Variants in LYPD6B observed in about 807,000 individuals in gnomAD.
LYPD6B encodes ly6/PLAUR domain-containing protein 6B.
LYPD6B carries 17 observed loss-of-function variants against 22.8 expected under a neutral mutation model. The observed-to-expected ratio is 0.75, with a 90% CI of 0.51 to 1.12. The LOEUF (loss-of-function observed/expected upper bound fraction) is 1.12, where lower values mean the gene tolerates loss of function less well. Among genes scored for constraint, LYPD6B ranks in the 50% most tolerant of loss-of-function variants. The pLI, the probability that LYPD6B is intolerant of heterozygous loss-of-function variation, is 0.00. For synonymous variants in LYPD6B, 106 were observed against 91.6 expected (o/e 1.16, Z -0.90); for missense variants, 221 against 258.3 (o/e 0.86, Z 0.99).
chr2:149,183,166 TCTACTGTAC>T (rs1223211300), intron 3 of LYPD6B, among the ~76,000 whole-genome samples: 1 of 152,224 alleles, frequency 6.6e-6, no homozygotes, highest in Non-Finnish European at 1.5e-5. Context: ...GCTTGATGTA[TCTACTGTAC>T]CTTATGCTTC....
At chr2:149,087,769 T>C (rs1685466203) in intron 1 of LYPD6B, among the ~76,000 whole-genome samples, 1 of 152,180 alleles carries the variant, frequency 6.6e-6, no homozygotes, top group South Asian at 2.1e-4. Context: ...TCAAATGCAA[T>C]GCTCTAAAAT....
chr2:149,212,152 C>T (rs981825486), intron 5 of LYPD6B, among the ~76,000 whole-genome samples: 10 of 150,874 alleles, frequency 6.6e-5, no homozygotes, highest in Admixed American at 2.0e-4. Context: ...CCGAGGCGGG[C>T]GGATCATGAG....
intron 2 of LYPD6B, among the ~76,000 whole-genome samples, chr2:149,159,377 G>A (rs1308813817): frequency 6.6e-6 from 1 of 152,124 alleles, no homozygotes; most frequent in Admixed American, 6.5e-5. Context: ...AGCATGCTCA[G>A]AGCCTAATTT....
At chr2:149,179,556 AACAGT>A (rs1377241008) in intron 3 of LYPD6B, among the ~76,000 whole-genome samples, 1 of 152,224 alleles carries the variant, frequency 6.6e-6, no homozygotes, top group Non-Finnish European at 1.5e-5. Flanking sequence ...TGTTTCTGTT[AACAGT>A]GTTGGTGAGT....
At chr2:149,045,115 T>C (rs1683251765) in intron 1 of LYPD6B, among the ~76,000 whole-genome samples, 1 of 152,070 alleles carries the variant, frequency 6.6e-6, no homozygotes, top group Non-Finnish European at 1.5e-5. Flanking sequence ...TATAGGACTA[T>C]TCAGATTATC....
At chr2:149,160,927 C>T in intron 3 of LYPD6B, 92 bp downstream of exon 3, 2 of 946,976 alleles carry the variant, frequency 2.1e-6, no homozygotes, top group South Asian at 2.8e-5. Context: ...GTCCCGGGAC[C>T]CTGTGTTTTT....
intron 5 of LYPD6B, among the ~76,000 whole-genome samples, chr2:149,212,077 GA>G (rs796958607): frequency 1.4e-4 from 22 of 152,108 alleles, no homozygotes; most frequent in African/African-American, 5.3e-4. Context: ...AACCAGAATA[GA>G]AATTATTAGG....
chr2:149,093,811 C>T (rs1453567028), intron 1 of LYPD6B, among the ~76,000 whole-genome samples: 1 of 151,836 alleles, frequency 6.6e-6, no homozygotes, highest in Non-Finnish European at 1.5e-5. Flanking sequence ...ATTTTTTTTC[C>T]AATTTATGAT....
intron 1 of LYPD6B, among the ~76,000 whole-genome samples, chr2:149,105,247 G>A (rs1290372522): frequency 6.6e-6 from 1 of 152,102 alleles, no homozygotes; most frequent in African/African-American, 2.4e-5. Flanking sequence ...GCAGCTATGT[G>A]ATAAGTCTTA....
chr2:149,123,999 C>T (rs1177733550), intron 1 of LYPD6B, among the ~76,000 whole-genome samples: 3 of 152,138 alleles, frequency 2.0e-5, no homozygotes, highest in Non-Finnish European at 2.9e-5. Flanking sequence ...CAGGAAGGCC[C>T]CCCGGGCTCC....
intron 3 of LYPD6B, among the ~76,000 whole-genome samples, chr2:149,175,100 T>A (rs1336507556): frequency 6.7e-6 from 1 of 150,106 alleles, no homozygotes; most frequent in African/African-American, 2.5e-5. Flanking sequence ...CAGGTGTCAC[T>A]TAATGACAAG....
intron 2 of LYPD6B, among the ~76,000 whole-genome samples, chr2:149,159,857 A>G (rs1351139793): frequency 1.3e-5 from 2 of 152,302 alleles, no homozygotes; most frequent in Non-Finnish European, 2.9e-5. Flanking sequence ...GCTCACTCAC[A>G]TTATGAAAGG....
intron 1 of LYPD6B, among the ~76,000 whole-genome samples, chr2:149,123,710 A>T (rs533403722): frequency 6.6e-6 from 1 of 152,056 alleles, no homozygotes; most frequent in Non-Finnish European, 1.5e-5. Context: ...AAAAATACAA[A>T]AATTAACCGG....
At chr2:149,091,985 TG>T (rs1368919639) in intron 1 of LYPD6B, among the ~76,000 whole-genome samples, 2 of 149,752 alleles carry the variant, frequency 1.3e-5, no homozygotes. Context: ...TGTGAACAAC[TG>T]TGTTGTCCAG....
At chr2:149,152,044 T>A (rs1385452382) in intron 2 of LYPD6B, among the ~76,000 whole-genome samples, 1 of 152,216 alleles carries the variant, frequency 6.6e-6, no homozygotes, top group Non-Finnish European at 1.5e-5. Flanking sequence ...TTCCTCAAGA[T>A]CTATTTTAAG....
chr2:149,046,797 T>G (rs563247806), intron 1 of LYPD6B, among the ~76,000 whole-genome samples: 1 of 152,304 alleles, frequency 6.6e-6, no homozygotes, highest in Non-Finnish European at 1.5e-5. Context: ...TTCTCTTTTA[T>G]GTTTTGTGCT....
At chr2:149,094,488 C>T (rs924093149) in intron 1 of LYPD6B, among the ~76,000 whole-genome samples, 2 of 152,148 alleles carry the variant, frequency 1.3e-5, no homozygotes, top group African/African-American at 4.8e-5. Context: ...AACAGGTCGT[C>T]GGGAGACTGC....
At chr2:149,118,552 T>C (rs1183962842) in intron 1 of LYPD6B, among the ~76,000 whole-genome samples, 1 of 152,156 alleles carries the variant, frequency 6.6e-6, no homozygotes, top group East Asian at 1.9e-4. Flanking sequence ...TGTCTCTGAA[T>C]CCAAATATTT....
chr2:149,152,112 A>G (rs75513215), intron 2 of LYPD6B, among the ~76,000 whole-genome samples: 1 of 152,170 alleles, frequency 6.6e-6, no homozygotes, highest in South Asian at 2.1e-4. Context: ...TGTGCTGCCT[A>G]CAGAATTTCT....
Sources: gnomAD v4.1 joint callset for allele counts (sites outside exome capture counted in the v4.1 genomes callset) on GRCh38, gnomAD v4.1.1 for gene constraint, MANE v1.5 for transcripts, NCBI Gene and HGNC (gene_info 2026-07-23, HGNC 2026-07-21) for gene names.